Variants in POLR3B observed in about 807,000 individuals in gnomAD.
The protein encoded by POLR3B is DNA-directed RNA polymerase III subunit RPC2.
In POLR3B, 96 loss-of-function variants were observed where a neutral mutation model predicts 147.4. That is an observed-to-expected ratio of 0.65 (90% CI 0.55 to 0.77). The LOEUF (loss-of-function observed/expected upper bound fraction) is 0.77, where lower values mean the gene tolerates loss of function less well. POLR3B is among the 30% of genes least tolerant of loss of function. The pLI, the probability that POLR3B is intolerant of heterozygous loss-of-function variation, is 0.00. For synonymous variants in POLR3B, 461 were observed against 485.9 expected, an observed-to-expected ratio of 0.95 and a Z score of 0.67; for missense variants, 1,036 against 1,413.5, an observed-to-expected ratio of 0.73 and a Z score of 4.28.
chr12:106,430,668 A>T (rs1370585318), intron 14 of POLR3B, among the ~76,000 whole-genome samples, 195 bp downstream of exon 14: 1 of 152,228 alleles, frequency 6.6e-6, no homozygotes. Context: ...GACCTGCAGA[A>T]GCATTTGATT....
intron 23 of POLR3B, among the ~76,000 whole-genome samples, chr12:106,464,084 G>T (rs914311053): frequency 3.3e-5 from 5 of 152,108 alleles, no homozygotes; most frequent in Non-Finnish European, 5.9e-5. Flanking sequence ...TCAGTGGCCA[G>T]TCAAGGATAC....
chr12:106,377,171 T>C (rs1184679727), intron 7 of POLR3B, among the ~76,000 whole-genome samples: 1 of 152,222 alleles, frequency 6.6e-6, no homozygotes, highest in Admixed American at 6.5e-5. Flanking sequence ...TTTGTTTACA[T>C]TTTTAAAAAT....
At position 106,496,932 on chromosome 12, in the gene POLR3B, T is replaced by G; in HGVS notation, c.2984+14T>G. ...CGGCATCACAGGGTAAGCATGCGATTGAGCTATTTTAAAGAAAAAGAATGG... is the reference window on the plus strand; with the variant it reads ...CGGCATCACAGGGTAAGCATGCGATGGAGCTATTTTAAAGAAAAAGAATGG... On this transcript the variant is annotated intron_variant, in intron 25 of 27. Coordinates refer to ENST00000228347, the MANE Select transcript of POLR3B (RefSeq NM_018082.6). 6.2e-7 allele frequency: 1 copy of G among 1,612,090 alleles called. No homozygotes were observed. The highest frequency in any genetic ancestry group is 1.7e-4 in the Middle Eastern group (1 of 6,056).
At chr12:106,393,208 G>T in intron 10 of POLR3B, 55 bp downstream of exon 10, 1 of 1,608,304 alleles carries the variant, frequency 6.2e-7, no homozygotes, top group Non-Finnish European at 8.5e-7. Context: ...ACTTAATGCT[G>T]CTCATTGATA....
At chr12:106,448,300 G>C (rs1288148450) in intron 19 of POLR3B, among the ~76,000 whole-genome samples, 1 of 151,768 alleles carries the variant, frequency 6.6e-6, no homozygotes, top group Non-Finnish European at 1.5e-5. Context: ...AGGTTTGAGT[G>C]GGAGGTAGAA....
At chr12:106,428,975 G>A (rs1269594147) in intron 13 of POLR3B, among the ~76,000 whole-genome samples, 2 of 152,108 alleles carry the variant, frequency 1.3e-5, no homozygotes, top group Non-Finnish European at 2.9e-5. Flanking sequence ...TCTGCTACAA[G>A]GGTTTTTAAC....
chr12:106,453,061 A>G (rs575760478), intron 19 of POLR3B, among the ~76,000 whole-genome samples: 5 of 127,352 alleles, frequency 3.9e-5, no homozygotes, highest in Non-Finnish European at 6.5e-5. Context: ...GTCTTGCTCT[A>G]TTGCCCAGGC....
chr12:106,474,270 T>C (rs1320353875), intron 23 of POLR3B, among the ~76,000 whole-genome samples: 2 of 135,110 alleles, frequency 1.5e-5, no homozygotes, highest in Admixed American at 1.6e-4. Flanking sequence ...GGTTTGCCAG[T>C]ATTTTATTGA....
chr12:106,470,237 C>T (rs1445289996), intron 23 of POLR3B, among the ~76,000 whole-genome samples: 1 of 151,992 alleles, frequency 6.6e-6, no homozygotes, highest in East Asian at 1.9e-4. Flanking sequence ...TCCGCTTGAT[C>T]GAATTGGCTA....
rs776161810 is a variant in POLR3B, at chr12:106,459,298, A to G, written c.2500A>G (p.Thr834Ala). 2 of 1,611,032 alleles carry G rather than the reference A, an allele frequency of 1.2e-6. No individual in the cohort carries two copies. Among genetic ancestry groups the G allele is most frequent in the African/African-American group, 1.3e-5 (1 of 74,872 alleles). Residue 834 changes from threonine (T) to alanine (A), a missense_variant, in exon 22 of 28, where the codon ACA becomes GCA. Transcript: ENST00000228347. The stretch of plus-strand genomic sequence containing the variant: ...AGTGCTTGTAAATAAGTCCATGCCC[A>G]CAGTGACTCAGATTCCTTTGGAAGG... ...KQVLVNKSMP[T>A]VTQIPLEGSN...
rs748593339 is a variant in POLR3B, at chr12:106,357,939, C to T, written c.60C>T (p.Ile20=). The change falls in exon 1 of 28, where the codon ATC becomes ATT. Residue 20 remains isoleucine (I), a synonymous_variant. Coordinates refer to ENST00000228347, the MANE Select transcript of POLR3B (RefSeq NM_018082.6). The stretch of plus-strand genomic sequence containing the variant: ...CTCCGGAGCAGCTGGCGGCGCCGAT[C>T]CCGACTGTAGAGGTCAGTGCCAGGC... ...NLTPEQLAAP[I]PTVEEKWRLL... is the part of the protein sequence containing the mutation. 4.3e-6 allele frequency: 7 copies of T among 1,612,930 alleles called. No individual in the cohort carries two copies. The African/African-American group carries it at 9.3e-5, about 22-fold the overall frequency.
chr12:106,498,584 T>TTG (rs1193188680), intron 25 of POLR3B, among the ~76,000 whole-genome samples: 1 of 151,564 alleles, frequency 6.6e-6, no homozygotes, highest in Non-Finnish European at 1.5e-5. Flanking sequence ...TGGGGTTTGT[T>TTG]TTTTTTGTTT....
Position 106,393,480 on chromosome 12 carries a change from G to C in POLR3B, c.846+327G>C, listed in dbSNP as rs1289157967. On this transcript the variant is annotated intron_variant, in intron 10 of 27. Transcript: ENST00000228347. ...TACTTTTTAAACTATGGCAACTCTCGTGTACAGGTTTTGTGTGTGTGTGTG... is the reference window on the plus strand; with the variant it reads ...TACTTTTTAAACTATGGCAACTCTCCTGTACAGGTTTTGTGTGTGTGTGTG... 7.7e-5 allele frequency among the ~76,000 whole-genome samples: 11 copies of C among 142,436 alleles called. No homozygotes were observed. In the Admixed American group the frequency reaches 8.1e-4, roughly 10 times the overall value. 93.4% of individuals were successfully genotyped at this position (142,436 alleles called of 152,430 possible). A position where few individuals can be genotyped will look rare whatever the true frequency, so the allele number is the denominator to read the frequency against.
intron 19 of POLR3B, among the ~76,000 whole-genome samples, chr12:106,446,955 C>G (rs1804079845): frequency 6.6e-6 from 1 of 152,078 alleles, no homozygotes; most frequent in Non-Finnish European, 1.5e-5. Flanking sequence ...CAGCAGATAC[C>G]CAGGTCTGTA....
intron 18 of POLR3B, among the ~76,000 whole-genome samples, chr12:106,440,227 GC>G (rs2037632103): frequency 6.6e-6 from 1 of 152,034 alleles, no homozygotes; most frequent in South Asian, 2.1e-4. Flanking sequence ...CATCACATGA[GC>G]CTTCCAAATA....
chr12:106,358,171 G>A, intron 1 of POLR3B: 1 of 1,438,648 alleles, frequency 7.0e-7, no homozygotes. Context: ...AGCCGCTGCG[G>A]GGGCCGAGAA....
intron 6 of POLR3B, among the ~76,000 whole-genome samples, chr12:106,370,134 G>A (rs11112953): frequency 0.23 from 35,182 of 152,072 alleles, 4,437 homozygotes; most frequent in African/African-American, 0.31. Flanking sequence ...TTCCTGATTA[G>A]GGAAATATAT....
chr12:106,454,270 G>A (rs2037836121), intron 19 of POLR3B, among the ~76,000 whole-genome samples: 1 of 152,076 alleles, frequency 6.6e-6, no homozygotes, highest in African/African-American at 2.4e-5. Context: ...AAATTATTTA[G>A]ATTAAAATAT....
chr12:106,361,288 C>T (rs187026908), intron 1 of POLR3B, among the ~76,000 whole-genome samples: 6 of 152,234 alleles, frequency 3.9e-5, no homozygotes, highest in East Asian at 1.9e-4. Context: ...AAAAGGAGGT[C>T]GACTCAGTAG....
Sources: gnomAD v4.1 joint callset for allele counts (sites outside exome capture counted in the v4.1 genomes callset) on GRCh38, gnomAD v4.1.1 for gene constraint, MANE v1.5 for transcripts, NCBI Gene and HGNC (gene_info 2026-07-23, HGNC 2026-07-21) for gene names.